The following AMMECR1 variants were observed in gnomAD, a reference collection of about 807,000 sequenced individuals.
AMMECR1 encodes AMMECR nuclear protein 1.
In AMMECR1, 3 loss-of-function variants were observed where a neutral mutation model predicts 22.5. The observed-to-expected ratio is 0.13, with a 90% CI of 0.06 to 0.35. AMMECR1 has a LOEUF of 0.35. AMMECR1 is among the 10% of genes least tolerant of loss of function. The pLI is 1.00. For missense variants in AMMECR1, 235 were observed against 278.7 expected (o/e 0.84, Z 1.12); for synonymous variants, 130 against 116.7 (o/e 1.11, Z -0.74).
chrX:110,425,619 T>A (rs925126372), intron 2 of AMMECR1, among the ~76,000 whole-genome samples: 2 of 112,911 alleles, frequency 1.8e-5, no homozygotes, highest in African/African-American at 6.4e-5. Flanking sequence ...AGTGAGTACT[T>A]ACTATGGGCC....
intron 2 of AMMECR1, among the ~76,000 whole-genome samples, chrX:110,387,030 A>G (rs1416108707): frequency 8.9e-6 from 1 of 112,599 alleles, no homozygotes; most frequent in Non-Finnish European, 1.9e-5. Flanking sequence ...GGAGGGAGAA[A>G]GCACTTGGGG....
intron 1 of AMMECR1, among the ~76,000 whole-genome samples, chrX:110,274,978 C>T (rs1034466978): frequency 8.9e-6 from 1 of 111,823 alleles, no homozygotes; most frequent in Non-Finnish European, 1.9e-5. Flanking sequence ...AAGACCTTAA[C>T]GTATACGTCC....
At chrX:110,297,930 T>C (rs929719334) in intron 1 of AMMECR1, among the ~76,000 whole-genome samples, 2 of 111,975 alleles carry the variant, frequency 1.8e-5, no homozygotes, top group African/African-American at 6.5e-5. Context: ...TCAGCTTTGA[T>C]TTATATTCTA....
intron 2 of AMMECR1, among the ~76,000 whole-genome samples, chrX:110,231,657 A>C (rs1256717390): frequency 1.8e-5 from 2 of 111,939 alleles, no homozygotes; most frequent in Non-Finnish European, 3.8e-5. Flanking sequence ...TCAAATTCAC[A>C]CATAACAATA....
chrX:110,336,026 G>T lies in AMMECR1; in HGVS notation c.-147-18177C>A, dbSNP rs1228410552. Among the ~76,000 whole-genome samples the T allele has an allele frequency of 5.4e-5, 6 of 112,082 alleles. No homozygotes were observed. The South Asian group carries it at 1.5e-3, about 28-fold the overall frequency. Reference sequence around the variant, plus strand: ...TCATTTCTAAGGATGTAACACCTAAGTTGGATGATGAAGATCAGTAGCTGC... The same window carrying T: ...TCATTTCTAAGGATGTAACACCTAATTTGGATGATGAAGATCAGTAGCTGC... On this transcript the variant is annotated intron_variant, in intron 2 of 7. Transcript: ENST00000372057.
chrX:110,299,123 G>A (rs2067952775), intron 1 of AMMECR1, among the ~76,000 whole-genome samples: 1 of 111,418 alleles, frequency 9.0e-6, no homozygotes, highest in African/African-American at 3.3e-5. Context: ...ATTTCACTAA[G>A]CTTGGATGTT....
At chrX:110,373,822 T>A (rs1237691832) in intron 2 of AMMECR1, among the ~76,000 whole-genome samples, 2 of 110,522 alleles carry the variant, frequency 1.8e-5, no homozygotes, top group Non-Finnish European at 3.8e-5. Flanking sequence ...AAATGAAGAA[T>A]ATAGAAAATA....
intron 3 of AMMECR1, among the ~76,000 whole-genome samples, chrX:110,210,620 A>C (rs2067443566): frequency 2.7e-5 from 3 of 111,922 alleles, no homozygotes; most frequent in Admixed American, 9.5e-5. Flanking sequence ...ATTAACTTCT[A>C]AAATATGTGG....
intron 1 of AMMECR1, among the ~76,000 whole-genome samples, chrX:110,281,927 CCT>C (rs1353284500): frequency 1.3e-4 from 15 of 112,081 alleles, no homozygotes; most frequent in Admixed American, 9.4e-4. Flanking sequence ...ATTCCTATCC[CCT>C]GACACATAGT....
At chrX:110,436,235 G>A (rs1481827731) in intron 1 of AMMECR1, among the ~76,000 whole-genome samples, 2 of 111,597 alleles carry the variant, frequency 1.8e-5, no homozygotes, top group Non-Finnish European at 3.8e-5. Flanking sequence ...ATTTCCATGT[G>A]CTCCTGGAGA....
intron 1 of AMMECR1, among the ~76,000 whole-genome samples, chrX:110,289,980 A>G (rs1418286131): frequency 9.0e-6 from 1 of 111,615 alleles, no homozygotes; most frequent in Non-Finnish European, 1.9e-5. Flanking sequence ...ACATACTGGA[A>G]TCAACCCAAC....
At chrX:110,358,421 T>C (rs2068241866) in intron 2 of AMMECR1, among the ~76,000 whole-genome samples, 1 of 111,334 alleles carries the variant, frequency 9.0e-6, no homozygotes, top group Non-Finnish European at 1.9e-5. Flanking sequence ...GCTAACACTT[T>C]CTGAGTGCTT....
chrX:110,319,404 A>T (rs1249862246), upstream of AMMECR1, among the ~76,000 whole-genome samples: 4 of 111,568 alleles, frequency 3.6e-5, no homozygotes, highest in Non-Finnish European at 7.5e-5. Context: ...TGTTCATTCC[A>T]CTCAGGGAAT....
At chrX:110,304,961 T>C (rs113329181) in intron 1 of AMMECR1, among the ~76,000 whole-genome samples, 1,930 of 112,294 alleles carry the variant, frequency 0.017, 39 homozygotes, top group African/African-American at 0.059. Context: ...TCTGTAAAGC[T>C]CTCCTGTACA....
chrX:110,391,113 T>C (rs1286513575), intron 2 of AMMECR1, among the ~76,000 whole-genome samples: 3 of 111,950 alleles, frequency 2.7e-5, no homozygotes, highest in Non-Finnish European at 5.6e-5. Flanking sequence ...TTAAAAGGCA[T>C]ACTGACAGCT....
intron 2 of AMMECR1, among the ~76,000 whole-genome samples, chrX:110,330,834 C>A (rs979438680): frequency 1.8e-5 from 2 of 111,583 alleles, no homozygotes; most frequent in African/African-American, 6.5e-5. Context: ...GTGTTGCCAA[C>A]TTATTTCTCA....
intron 1 of AMMECR1, among the ~76,000 whole-genome samples, chrX:110,277,539 C>T (rs749366715): frequency 9.0e-6 from 1 of 111,019 alleles, no homozygotes; most frequent in East Asian, 2.8e-4. Flanking sequence ...GCACGTTGTG[C>T]ACATGTACCC....
At chrX:110,271,306 C>T (rs1007751667) in intron 1 of AMMECR1, among the ~76,000 whole-genome samples, 2 of 112,297 alleles carry the variant, frequency 1.8e-5, no homozygotes, top group Non-Finnish European at 3.8e-5. Flanking sequence ...GCCTGGTGTT[C>T]CAAGAAATTC....
At chrX:110,392,052 C>T (rs900399214) in intron 2 of AMMECR1, among the ~76,000 whole-genome samples, 3 of 112,048 alleles carry the variant, frequency 2.7e-5, no homozygotes, top group African/African-American at 9.7e-5. Context: ...TTTACATTCT[C>T]ATGAATCACG....
Sources: gnomAD v4.1 joint callset for allele counts (sites outside exome capture counted in the v4.1 genomes callset) on GRCh38, gnomAD v4.1.1 for gene constraint, MANE v1.5 for transcripts, NCBI Gene and HGNC (gene_info 2026-07-23, HGNC 2026-07-21) for gene names.